MUC12: variants seen among roughly 807,000 people sequenced by gnomAD.
The protein encoded by MUC12 is mucin 12, cell surface associated.
A neutral mutation model predicts 230.8 loss-of-function variants in MUC12; 172 were observed. The ratio of observed to expected loss-of-function variants is 0.75; its 90% CI spans 0.66 to 0.85. The LOEUF is 0.85. Ranked by LOEUF, MUC12 falls within the 40% of genes least tolerant of loss-of-function variation. The pLI is 0.00. For missense variants in MUC12, 3,506 were observed against 5,920.6 expected (o/e 0.59, Z 13.38); for synonymous variants, 1,259 against 2,401.9 (o/e 0.52, Z 13.91).
chr7:101,011,223 C>G (rs1185559231), intron 5 of MUC12, among the ~76,000 whole-genome samples: 1 of 152,122 alleles, frequency 6.6e-6, no homozygotes, highest in African/African-American at 2.4e-5. Flanking sequence ...GGTGCCCCAA[C>G]CTTGCCCCTG....
At chr7:100,981,918 G>A (rs1328296920) in intron 1 of MUC12, among the ~76,000 whole-genome samples, 3 of 147,254 alleles carry the variant, frequency 2.0e-5, no homozygotes, top group Non-Finnish European at 3.0e-5. Flanking sequence ...CCAGACTGGA[G>A]TGCAGTGGTG....
rs1794004111 is a variant in MUC12, at chr7:101,018,833, T to G, written c.*197T>G. The stretch of plus-strand genomic sequence containing the variant: ...AGGCTGGGGGCTGTAAGCCTCTCCA[T>G]CCGGGAGCTTCCAGACTCCCAGAAG... On this transcript the variant is annotated 3_prime_UTR_variant, in exon 12 of 12. Coordinates refer to ENST00000536621, the MANE Select transcript of MUC12 (RefSeq NM_001164462.2). 2 of 503,678 alleles carry G rather than the reference T, an allele frequency of 4.0e-6. No individual in the cohort carries two copies. Among genetic ancestry groups the G allele is most frequent in the Non-Finnish European group, 6.7e-6 (2 of 299,218 alleles). The allele number at this position is 503,678 out of a possible 1,614,324, so 31.2% of individuals were successfully genotyped here. A position where few individuals can be genotyped will look rare whatever the true frequency, so the allele number is the denominator to read the frequency against.
chr7:100,992,349 A>G lies in MUC12; in HGVS notation c.1786A>G (p.Thr596Ala), dbSNP rs539607518. The G allele has an allele frequency of 2.8e-5, 43 of 1,536,532 alleles. No homozygotes were observed. The African/African-American group carries it at 4.0e-4, about 14-fold the overall frequency. ...STETTLLPDN[T>A]TASGLLEASM... Reference sequence around the variant, plus strand: ...TGAAACAACACTCTTACCTGACAACACCACAGCCTCAGGACTCCTTGAAGC... The same window carrying G: ...TGAAACAACACTCTTACCTGACAACGCCACAGCCTCAGGACTCCTTGAAGC... The change falls in exon 2 of 12, where the codon ACC becomes GCC. Residue 596 changes from threonine (T) to alanine (A), a missense_variant. By Grantham distance (58) the Thr-to-Ala change is moderately conservative. Coordinates refer to ENST00000536621, the MANE Select transcript of MUC12 (RefSeq NM_001164462.2).
rs200633370 is a variant in MUC12 at position 101,000,948 on chromosome 7, A to G, written c.10385A>G (p.Lys3462Arg). 2.1e-4 allele frequency: 326 copies of G among 1,517,676 alleles called. No homozygotes were observed. The African/African-American group carries it at 4.1e-3, about 19-fold the overall frequency. 94.0% of individuals were successfully genotyped at this position (1,517,676 alleles called of 1,614,324 possible). A position where few individuals can be genotyped will look rare whatever the true frequency, so the allele number is the denominator to read the frequency against. The change falls in exon 2 of 12, where the codon AAA becomes AGA. Residue 3462 changes from lysine (K) to arginine (R), a missense_variant. Coordinates refer to ENST00000536621, the MANE Select transcript of MUC12 (RefSeq NM_001164462.2). ...GSTTTPGLSEKSTTFHSSPRS... is the reference protein window; with the variant it reads ...GSTTTPGLSERSTTFHSSPRS... ...ACCACAACGCCAGGCCTCAGTGAGA[A>G]ATCTACCACTTTCCACAGTAGCCCC... is the stretch of plus-strand genomic sequence containing the variant.
chr7:101,015,246 G>T (rs191721921), intron 9 of MUC12: 1 of 249,040 alleles, frequency 4.0e-6, no homozygotes, highest in Admixed American at 5.1e-5. Context: ...GAGATGGAGC[G>T]TCTGGGTCTC....
chr7:101,003,548 T>G lies in MUC12; in HGVS notation c.12985T>G (p.Phe4329Val). Reference protein sequence around the residue: ...STTRQGESTTFQSWPNSKDTT... With the variant: ...STTRQGESTTVQSWPNSKDTT... Reference sequence around the variant, plus strand: ...AACCCGTCAGGGAGAATCTACCACCTTCCAGAGCTGGCCAAACTCGAAGGA... The same window carrying G: ...AACCCGTCAGGGAGAATCTACCACCGTCCAGAGCTGGCCAAACTCGAAGGA... The change falls in exon 2 of 12, where the codon TTC becomes GTC. Residue 4329 changes from phenylalanine (F) to valine (V), a missense_variant. Transcript: ENST00000536621. 1 of 1,530,038 alleles carries G rather than the reference T, an allele frequency of 6.5e-7. No individual in the cohort carries two copies. The highest frequency in any genetic ancestry group is 8.7e-7 in the Non-Finnish European group (1 of 1,142,916). The allele number at this position is 1,530,038 out of a possible 1,614,324, so 94.8% of individuals were successfully genotyped here. A position where few individuals can be genotyped will look rare whatever the true frequency, so the allele number is the denominator to read the frequency against.
chr7:100,987,994 GA>G (rs1563088063), intron 1 of MUC12, among the ~76,000 whole-genome samples: 1 of 146,496 alleles, frequency 6.8e-6, no homozygotes, highest in African/African-American at 2.5e-5. Context: ...GAAAAGAAAA[GA>G]AAAAAAAGAA....
intron 1 of MUC12, among the ~76,000 whole-genome samples, chr7:100,988,037 C>A (rs1013152664): frequency 3.3e-5 from 5 of 151,008 alleles, no homozygotes; most frequent in Admixed American, 6.6e-5. Flanking sequence ...TGGTGGCTCA[C>A]GCCTGTAATC....
At position 100,992,232 on chromosome 7, in the gene MUC12, G is replaced by A. The variant is rs1310680981; in HGVS notation, c.1669G>A (p.Gly557Ser). 1.3e-6 allele frequency: 2 copies of A among 1,537,158 alleles called. No homozygotes were observed. Among genetic ancestry groups the A allele is most frequent in the Middle Eastern group, 1.7e-4 (1 of 5,994 alleles). The change falls in exon 2 of 12, where the codon GGC (glycine) becomes AGC (serine). Residue 557 changes from glycine (G) to serine (S), a missense_variant. Transcript: ENST00000536621. Reference protein sequence around the residue: ...QESTASHSSPGPTDTTLSPGS... With the variant: ...QESTASHSSPSPTDTTLSPGS... ...ATCTACAGCTTCCCACAGCAGCCCAGGCCCCACAGACACAACATTGTCCCC... is the reference window on the plus strand; with the variant it reads ...ATCTACAGCTTCCCACAGCAGCCCAAGCCCCACAGACACAACATTGTCCCC...
At position 100,991,814 on chromosome 7, in the gene MUC12, C is replaced by T. The variant is rs768489893; in HGVS notation, c.1251C>T (p.Gly417=). The change falls in exon 2 of 12, where the codon GGC becomes GGT. Residue 417 remains glycine (G), a synonymous_variant. Coordinates refer to ENST00000536621, the MANE Select transcript of MUC12 (RefSeq NM_001164462.2). ...LAHTSYHSSL[G]STETTHFRDS... is the part of the protein sequence containing the mutation. ...ATACAAGCTACCACAGCAGCCTGGGCTCAACTGAAACAACACACTTCCGTG... is the reference window on the plus strand; with the variant it reads ...ATACAAGCTACCACAGCAGCCTGGGTTCAACTGAAACAACACACTTCCGTG... The T allele has an allele frequency of 1.4e-5, 22 of 1,537,870 alleles. No homozygotes were observed. The highest frequency in any genetic ancestry group is 6.8e-5 in the African/African-American group (5 of 73,060).
rs1158619168 is a variant in MUC12, at chr7:101,018,592, C to T, written c.15967-3C>T. ...GCCTCACCTCTTCTCTCCCGTCCCC[C>T]AGCTCCACATCCAGAGGCCGGAGAT... is the stretch of plus-strand genomic sequence containing the variant. On this transcript the variant is annotated splice_region_variant and splice_polypyrimidine_tract_variant and intron_variant, in intron 11 of 11. Transcript: ENST00000536621. The T allele has an allele frequency of 8.5e-6, 13 of 1,536,066 alleles. No homozygotes were observed. In the South Asian group the frequency reaches 9.5e-5, roughly 11 times the overall value.
chr7:100,994,063 C>G lies in MUC12; in HGVS notation c.3500C>G (p.Ser1167Ter), dbSNP rs1483554817. Residue 1167 changes from serine to a stop codon, truncating the protein, a stop_gained, in exon 2 of 12, where the codon TCA (serine) becomes TGA (stop). Coordinates refer to ENST00000536621, the MANE Select transcript of MUC12 (RefSeq NM_001164462.2). LOFTEE classifies it high-confidence loss of function. Reference protein sequence around the residue: ...STTVYSSSRGSTETTVFPHST... With the variant: ...STTVYSSSRG Reference sequence around the variant, plus strand: ...ACCGTCTACAGCAGCAGCCGAGGCTCAACTGAAACCACAGTGTTCCCTCAC... The same window carrying G: ...ACCGTCTACAGCAGCAGCCGAGGCTGAACTGAAACCACAGTGTTCCCTCAC... 2 of 1,023,098 alleles carry G rather than the reference C, an allele frequency of 2.0e-6. No individual in the cohort carries two copies. Among genetic ancestry groups the G allele is most frequent in the African/African-American group, 2.2e-5 (1 of 45,914 alleles). The allele number at this position is 1,023,098 out of a possible 1,614,324, so 63.4% of individuals were successfully genotyped here. A position where few individuals can be genotyped will look rare whatever the true frequency, so the allele number is the denominator to read the frequency against.
In MUC12 at chr7:101,017,594, C is replaced by T; in HGVS notation, c.15897C>T (p.Ser5299=). The T allele has an allele frequency of 6.5e-7, 1 of 1,535,874 alleles. No homozygotes were observed. The highest frequency in any genetic ancestry group is 8.7e-7 in the Non-Finnish European group (1 of 1,146,004). The part of the protein sequence containing the change: ...AIWEDQNLRE[S]RFGLENAYNN... ...CTACAGACCAGAATCTGAGGGAGAG[C>T]AGATTCGGCCTTGAGAACGCCTACA... Residue 5299 remains serine (S), a synonymous_variant, in exon 11 of 12, where the codon AGC becomes AGT. Coordinates refer to ENST00000536621, the MANE Select transcript of MUC12 (RefSeq NM_001164462.2).
At position 100,995,950 on chromosome 7, in the gene MUC12, A is replaced by T; in HGVS notation, c.5387A>T (p.Glu1796Val). 1.9e-6 allele frequency: 2 copies of T among 1,068,700 alleles called. No individual in the cohort carries two copies. Among genetic ancestry groups the T allele is most frequent in the South Asian group, 3.1e-5 (2 of 65,568 alleles). 66.2% of individuals were successfully genotyped at this position (1,068,700 alleles called of 1,614,324 possible). A position where few individuals can be genotyped will look rare whatever the true frequency, so the allele number is the denominator to read the frequency against. The change falls in exon 2 of 12, where the codon GAA becomes GTA. Residue 1796 changes from glutamate to valine, a missense_variant. Physicochemically the swap from Glu to Val is moderately radical, Grantham distance 121. Coordinates refer to ENST00000536621, the MANE Select transcript of MUC12 (RefSeq NM_001164462.2). Reference sequence around the variant, plus strand: ...TCCACAGCTTCAGGTCGTAGTGAAGAATCAAGAACTTCCCACAGCAGCACA... The same window carrying T: ...TCCACAGCTTCAGGTCGTAGTGAAGTATCAAGAACTTCCCACAGCAGCACA... ...ESSTASGRSE[E>V]SRTSHSSTTH...
intron 4 of MUC12, 43 bp downstream of exon 4, chr7:101,008,804 C>A: frequency 6.6e-7 from 1 of 1,513,366 alleles, no homozygotes; most frequent in Non-Finnish European, 8.8e-7. Context: ...TGATGTCCCA[C>A]GTGAGAGGAA....
rs1314719524 is a variant in MUC12 at position 100,991,298 on chromosome 7, C to T, written c.735C>T (p.Leu245=). The T allele has an allele frequency of 2.0e-6, 3 of 1,537,682 alleles. No homozygotes were observed. Among genetic ancestry groups the T allele is most frequent in the Non-Finnish European group, 1.7e-6 (2 of 1,147,026 alleles). Residue 245 remains leucine (L), a synonymous_variant, in exon 2 of 12, where the codon CTC becomes CTT. Coordinates refer to ENST00000536621, the MANE Select transcript of MUC12 (RefSeq NM_001164462.2). The part of the protein sequence containing the change: ...RLPDNTTTSG[L]LEASTPVHSS... ...CTGACAACACCACAACCTCAGGCCT[C>T]CTTGAAGCATCTACGCCCGTCCACA...
At chr7:100,984,202 G>A (rs1793152685) in intron 1 of MUC12, among the ~76,000 whole-genome samples, 1 of 151,962 alleles carries the variant, frequency 6.6e-6, no homozygotes, top group Admixed American at 6.6e-5. Flanking sequence ...CTCAAAGAGG[G>A]GAGAGCGGAC....
At chr7:100,990,465 A>T in intron 1 of MUC12, 166 bp from the exon 2 acceptor site, 1 of 798,216 alleles carries the variant, frequency 1.3e-6, no homozygotes, top group Non-Finnish European at 1.9e-6. Flanking sequence ...CTTCAAATCT[A>T]CAGGTTCAAC....
intron 2 of MUC12, among the ~76,000 whole-genome samples, 191 bp from the exon 3 acceptor site, chr7:101,006,280 G>C (rs1184322838): frequency 2.0e-5 from 3 of 152,016 alleles, no homozygotes; most frequent in Non-Finnish European, 4.4e-5. Context: ...CTTACTCTCT[G>C]CTGTTCCTCC....
Sources: allele counts gnomAD v4.1 joint callset (sites outside exome capture counted in the v4.1 genomes callset), GRCh38; gene constraint gnomAD v4.1.1; transcripts MANE v1.5; gene names NCBI Gene and HGNC (gene_info 2026-07-23, HGNC 2026-07-21).